Variants in USH2A observed in about 807,000 individuals in gnomAD.
USH2A encodes the protein Usher syndrome 2A (autosomal recessive, mild).
USH2A carries 443 observed loss-of-function variants against 538.9 expected under a neutral mutation model. That is an observed-to-expected ratio of 0.82 (90% CI 0.76 to 0.89). The LOEUF is 0.89. Ranked by LOEUF, USH2A falls within the 40% of genes least tolerant of loss-of-function variation. The probability of loss-of-function intolerance (pLI) is 0.00; values close to 1 mark genes in which losing one functional copy is unlikely to be tolerated. For synonymous variants in USH2A, 2,413 were observed against 2,273.5 expected (o/e 1.06, Z -1.75); for missense variants, 6,633 against 6,324.8 (o/e 1.05, Z -1.65).
At chr1:216,173,960 A>T (rs2034322620) in intron 21 of USH2A, 1 of 984,238 alleles carries the variant, frequency 1.0e-6, no homozygotes, top group Admixed American at 6.2e-5. Context: ...TTGCCATTTT[A>T]AGAATATAAA....
chr1:216,320,688 G>A (rs2037588326), intron 9 of USH2A, among the ~76,000 whole-genome samples: 1 of 152,030 alleles, frequency 6.6e-6, no homozygotes, highest in Non-Finnish European at 1.5e-5. Context: ...CTGAGGTTGG[G>A]TAATCTTTTA....
At chr1:215,946,122 AC>A (rs1199052826) in intron 37 of USH2A, among the ~76,000 whole-genome samples, 1 of 152,178 alleles carries the variant, frequency 6.6e-6, no homozygotes, top group Non-Finnish European at 1.5e-5. Flanking sequence ...CATATGACAT[AC>A]TTTTAGCTTT....
At chr1:215,936,760 T>C (rs1666509480) in intron 37 of USH2A, among the ~76,000 whole-genome samples, 1 of 152,042 alleles carries the variant, frequency 6.6e-6, no homozygotes, top group African/African-American at 2.4e-5. Context: ...AATGTATTAT[T>C]CATCAAAATT....
rs778655083 is a variant in USH2A, at chr1:215,888,551, C to T, written c.8098G>A (p.Val2700Ile). ...CCTCCATGAAGAGTGCTCATCAGTA[C>T]CCGATATTCATATTTTGTCCATGGG... ...LSPWTKYEYR[V>I]LMSTLHGGTN... The change falls in exon 41 of 72, where the codon GTA becomes ATA. Residue 2700 changes from valine to isoleucine, a missense_variant. By Grantham distance (29) the Val-to-Ile change is conservative. Transcript: ENST00000307340. 59 of 1,614,000 alleles carry T rather than the reference C, an allele frequency of 3.7e-5. No individual in the cohort carries two copies. Among genetic ancestry groups the T allele is most frequent in the Non-Finnish European group, 4.9e-5 (58 of 1,180,020 alleles).
At chr1:215,901,504 C>G (rs1665501275) in intron 38 of USH2A, 1 of 161,148 alleles carries the variant, frequency 6.2e-6, no homozygotes, top group Admixed American at 5.8e-5. Context: ...ACTTTTTTCC[C>G]TATGTGTTTT....
At chr1:216,111,464 G>A (rs975701790) in intron 21 of USH2A, among the ~76,000 whole-genome samples, 2 of 151,844 alleles carry the variant, frequency 1.3e-5, no homozygotes, top group African/African-American at 2.4e-5. Flanking sequence ...ATCCTGCTAG[G>A]AAACACATGA....
chr1:215,935,903 G>A lies in USH2A; in HGVS notation c.7121-1108C>T, dbSNP rs558771895. ...AAAAATTAAAATTAAAAATTATCTG[G>A]TCATGGTGGTATGAGCCTGTAGTTC... On this transcript the variant is annotated intron_variant, in intron 37 of 71. Transcript: ENST00000307340. 4.6e-5 allele frequency among the ~76,000 whole-genome samples: 7 copies of A among 152,014 alleles called. No homozygotes were observed. The South Asian group carries it at 1.5e-3, about 32-fold the overall frequency.
At chr1:215,706,798 GC>G (rs1379050826) in intron 61 of USH2A, among the ~76,000 whole-genome samples, 1 of 152,184 alleles carries the variant, frequency 6.6e-6, no homozygotes, top group East Asian at 1.9e-4. Context: ...AGCATTGAAA[GC>G]TTTGTTATGG....
chr1:215,846,656 AATC>A (rs1358542372), intron 44 of USH2A, among the ~76,000 whole-genome samples: 1 of 152,226 alleles, frequency 6.6e-6, no homozygotes, highest in Non-Finnish European at 1.5e-5. Flanking sequence ...TTATTCAATG[AATC>A]ATCAGAACTT....
chr1:215,796,009 G>T (rs931855239), intron 50 of USH2A, among the ~76,000 whole-genome samples: 6 of 134,372 alleles, frequency 4.5e-5, no homozygotes, highest in South Asian at 4.6e-4. Flanking sequence ...GAAAATAAAT[G>T]TTTTTCAAAT....
In USH2A at chr1:215,911,242, C is replaced by T. The variant is rs550560235; in HGVS notation, c.7301-10337G>A. Among the ~76,000 whole-genome samples, 20 of 151,958 alleles carry T rather than the reference C, an allele frequency of 1.3e-4. No homozygotes were observed. The South Asian group carries it at 1.5e-3, about 11-fold the overall frequency. On this transcript the variant is annotated intron_variant, in intron 38 of 71. Transcript: ENST00000307340. ...ATTTTTTAAGTTATTTAAAAATATA[C>T]GCTTAAGTTATTATTGACTATAATC...
At chr1:215,878,396 G>T (rs1390324594) in intron 42 of USH2A, among the ~76,000 whole-genome samples, 1 of 152,124 alleles carries the variant, frequency 6.6e-6, no homozygotes, top group Non-Finnish European at 1.5e-5. Flanking sequence ...ACATGCCAAA[G>T]AATTACTGTG....
intron 24 of USH2A, chr1:216,085,213 T>C (rs1175025063): frequency 1.4e-5 from 4 of 279,198 alleles, no homozygotes; most frequent in Non-Finnish European, 2.8e-5. Flanking sequence ...TTTTAAAAGT[T>C]AGATTGGAAG....
chr1:215,862,206 A>G (rs1373188470), intron 44 of USH2A, among the ~76,000 whole-genome samples: 1 of 152,172 alleles, frequency 6.6e-6, no homozygotes, highest in Non-Finnish European at 1.5e-5. Context: ...ATTATAAAAT[A>G]ACATATATTC....
rs1445676964 is a variant in USH2A, at chr1:215,640,856, A to G, written c.14792-122T>C. 1.0e-5 allele frequency: 11 copies of G among 1,102,420 alleles called. No homozygotes were observed. The Admixed American group carries it at 2.6e-4, about 26-fold the overall frequency. The allele number at this position is 1,102,420 out of a possible 1,614,324, so 68.3% of individuals were successfully genotyped here. On this transcript the variant is annotated intron_variant, in intron 67 of 71. Coordinates refer to ENST00000307340, the MANE Select transcript of USH2A (RefSeq NM_206933.4). The stretch of plus-strand genomic sequence containing the variant: ...GAACCAATCCAAACAAAAAAAAAAA[A>G]AAAAAAGAAAACCAACATTGCTAGA...
intron 69 of USH2A, among the ~76,000 whole-genome samples, chr1:215,635,786 C>T (rs994834616): frequency 6.6e-6 from 1 of 152,078 alleles, no homozygotes; most frequent in African/African-American, 2.4e-5. Context: ...AATCTCACGA[C>T]CTCATGATCC....
chr1:215,733,245 C>T (rs1660058718), intron 60 of USH2A, among the ~76,000 whole-genome samples: 1 of 151,990 alleles, frequency 6.6e-6, no homozygotes, highest in Admixed American at 6.6e-5. Context: ...ACAACCAGAT[C>T]TCCCATCATG....
intron 47 of USH2A, among the ~76,000 whole-genome samples, chr1:215,834,393 G>A (rs1243493827): frequency 6.6e-6 from 1 of 152,124 alleles, no homozygotes; most frequent in Non-Finnish European, 1.5e-5. Context: ...TATATAATAA[G>A]ATGGACAAAT....
chr1:216,198,280 GT>G (rs757733496), intron 18 of USH2A, 34 bp downstream of exon 18: 1 of 1,613,102 alleles, frequency 6.2e-7, no homozygotes, highest in Non-Finnish European at 8.5e-7. Flanking sequence ...GCATTCAGAG[GT>G]TTTAAAAGTA....
Sources: gnomAD v4.1 joint callset for allele counts (sites outside exome capture counted in the v4.1 genomes callset) on GRCh38, gnomAD v4.1.1 for gene constraint, MANE v1.5 for transcripts, NCBI Gene and HGNC (gene_info 2026-07-23, HGNC 2026-07-21) for gene names.